The following LPGAT1 variants were observed in gnomAD, a reference collection of about 807,000 sequenced individuals.
LPGAT1 encodes acyl-CoA:lysophosphatidylglycerol acyltransferase 1.
Under a neutral mutation model 47.5 loss-of-function variants are expected in LPGAT1, and 11 were observed. That is an observed-to-expected ratio of 0.23 (90% CI 0.15 to 0.38). The LOEUF is 0.38. Ranked by LOEUF, LPGAT1 falls within the 10% of genes least tolerant of loss-of-function variation. LPGAT1 has a pLI of 1.00. For synonymous variants in LPGAT1, 138 were observed against 144.2 expected, an observed-to-expected ratio of 0.96 and a Z score of 0.31; for missense variants, 293 against 439.0, an observed-to-expected ratio of 0.67 and a Z score of 2.97.
chr1:211,778,160 G>A (rs1658486087), intron 6 of LPGAT1, among the ~76,000 whole-genome samples: 1 of 152,126 alleles, frequency 6.6e-6, no homozygotes. Context: ...GGCGAACACA[G>A]TGAAACCCCG....
chr1:211,829,352 A>G, intron 1 of LPGAT1, 29 bp from the exon 2 acceptor site: 3 of 1,606,992 alleles, frequency 1.9e-6, no homozygotes, highest in Non-Finnish European at 2.6e-6. Context: ...TCACTTAAAA[A>G]GGAAAATTCA....
intron 2 of LPGAT1, among the ~76,000 whole-genome samples, chr1:211,819,586 CT>C (rs1558284182): frequency 6.6e-6 from 1 of 152,158 alleles, no homozygotes; most frequent in African/African-American, 2.4e-5. Context: ...GGCATACAAT[CT>C]ATGCTGGGGT....
chr1:211,783,642 T>C, intron 4 of LPGAT1, 140 bp from the exon 5 acceptor site: 1 of 633,074 alleles, frequency 1.6e-6, no homozygotes, highest in Admixed American at 3.4e-5. Context: ...CCCAACTTAC[T>C]GCCCTTTTTG....
intron 6 of LPGAT1, among the ~76,000 whole-genome samples, chr1:211,768,001 T>C (rs2102513113): frequency 6.6e-6 from 1 of 152,344 alleles, no homozygotes. Context: ...GTCCCCAATA[T>C]GTTGAATAAC....
chr1:211,812,300 T>C (rs905572690), intron 2 of LPGAT1, among the ~76,000 whole-genome samples: 4 of 152,148 alleles, frequency 2.6e-5, no homozygotes, highest in African/African-American at 7.2e-5. Flanking sequence ...ACCAGGAAAC[T>C]ATACATGGAA....
At chr1:211,778,198 C>G (rs11801311) in intron 6 of LPGAT1, among the ~76,000 whole-genome samples, 5 of 151,920 alleles carry the variant, frequency 3.3e-5, no homozygotes, top group Admixed American at 1.3e-4. Flanking sequence ...AAAAATTAGC[C>G]GGGCATGGTG....
chr1:211,762,121 G>C (rs1657723898), intron 6 of LPGAT1, among the ~76,000 whole-genome samples: 1 of 152,022 alleles, frequency 6.6e-6, no homozygotes, highest in African/African-American at 2.4e-5. Flanking sequence ...ATCAACTTAA[G>C]GATAACTTAG....
chr1:211,799,566 G>A (rs1289152283), intron 2 of LPGAT1, among the ~76,000 whole-genome samples: 2 of 152,160 alleles, frequency 1.3e-5, no homozygotes, highest in Non-Finnish European at 2.9e-5. Flanking sequence ...ACAGGAACTT[G>A]GATAAATGCC....
chr1:211,759,898 A>T (rs1320368696), intron 6 of LPGAT1, among the ~76,000 whole-genome samples: 1 of 152,252 alleles, frequency 6.6e-6, no homozygotes, highest in African/African-American at 2.4e-5. Context: ...ATAAATTTCC[A>T]GAAGTGAAAT....
At position 211,830,668 on chromosome 1, in the gene LPGAT1, GGGCCCTGCCCCGCTCCGGCTGTGGCGC is replaced by G. The variant is rs562759380; in HGVS notation, c.-150_-124del. 2,098 of 1,198,930 alleles carry G rather than the reference GGGCCCTGCCCCGCTCCGGCTGTGGCGC, an allele frequency of 1.7e-3. 96 individuals are homozygous for G. The Admixed American group carries it at 0.081, about 46-fold the overall frequency. 74.3% of individuals were successfully genotyped at this position (1,198,930 alleles called of 1,614,324 possible). ...GGGCCGGCGGAAGAAGGCGGTGGCG[GGGCCCTGCCCCGCTCCGGCTGTGGCGC>G]GGCCCGCGCCCGTTCCCCGGCGGCG... is the stretch of plus-strand genomic sequence containing the variant. On this transcript the variant is annotated 5_prime_UTR_variant, in exon 1 of 8. Transcript: ENST00000366997. This position sits in a 1 kb window ranked among gnomAD's most constrained non-coding sequence, Gnocchi z 5.9.
Position 211,747,736 on chromosome 1 carries a change from C to T in LPGAT1, c.*2163G>A, listed in dbSNP as rs558811499. ...CAGTAATTTAGTGGTGCTTGCTGGG[C>T]CTCAAACAGAAGCATCATTAAGCTT... On this transcript the variant is annotated 3_prime_UTR_variant, in exon 8 of 8. Transcript: ENST00000366997. 1 of 152,198 alleles carries T rather than the reference C, an allele frequency of 6.6e-6. No individual in the cohort carries two copies. Among genetic ancestry groups the T allele is most frequent in the Non-Finnish European group, 1.5e-5 (1 of 68,024 alleles). 9.4% of individuals were successfully genotyped at this position (152,198 alleles called of 1,614,324 possible).
rs538790083 is a variant in LPGAT1 at position 211,804,404 on chromosome 1, C to T, written c.239-11214G>A. Among the ~76,000 whole-genome samples the T allele has an allele frequency of 3.9e-5, 6 of 152,076 alleles. No individual in the cohort carries two copies. In the South Asian group the frequency reaches 1.2e-3, roughly 32 times the overall value. Reference sequence around the variant, plus strand: ...TAGGTTTCTAAAAAGATAAGGCTTTCTGAATATTAAAATAACATACATTCA... The same window carrying T: ...TAGGTTTCTAAAAAGATAAGGCTTTTTGAATATTAAAATAACATACATTCA... On this transcript the variant is annotated intron_variant, in intron 2 of 7. Transcript: ENST00000366997.
chr1:211,779,184 C>T, intron 5 of LPGAT1, 140 bp from the exon 6 acceptor site: 1 of 558,456 alleles, frequency 1.8e-6, no homozygotes, highest in Non-Finnish European at 3.0e-6. Context: ...AACTTTGGTG[C>T]TCCTGTTCTA....
At chr1:211,785,514 CA>C (rs1169189530) in intron 4 of LPGAT1, among the ~76,000 whole-genome samples, 1 of 151,354 alleles carries the variant, frequency 6.6e-6, no homozygotes, top group African/African-American at 2.4e-5. Flanking sequence ...TTTATGTATG[CA>C]AAACTTCACA....
Position 211,830,518 on chromosome 1 carries a change from C to T in LPGAT1, c.-28+55G>A. The T allele has an allele frequency of 8.3e-7, 1 of 1,201,598 alleles. No individual in the cohort carries two copies. Among genetic ancestry groups the T allele is most frequent in the African/African-American group, 1.6e-5 (1 of 63,144 alleles). 74.4% of individuals were successfully genotyped at this position (1,201,598 alleles called of 1,614,324 possible). A position where few individuals can be genotyped will look rare whatever the true frequency, so the allele number is the denominator to read the frequency against. ...CCCCTTCCCCGCCCCCAGCGCCTCC[C>T]CTGGCCCGGCTCCGCTGCCGCTCTG... On this transcript the variant is annotated intron_variant, in intron 1 of 7. Transcript: ENST00000366997. The surrounding 1 kb of genome is among the most constrained non-coding windows in gnomAD (Gnocchi z 5.9).
intron 2 of LPGAT1, among the ~76,000 whole-genome samples, chr1:211,802,079 C>T (rs1303496604): frequency 8.2e-6 from 1 of 122,194 alleles, no homozygotes; most frequent in Non-Finnish European, 1.7e-5. Context: ...CAGAGTGAGA[C>T]TCTGTCTCAA....
At position 211,749,890 on chromosome 1, in the gene LPGAT1, C is replaced by A. The variant is rs767185357; in HGVS notation, c.*9G>T. 19 of 1,613,328 alleles carry A rather than the reference C, an allele frequency of 1.2e-5. No individual in the cohort carries two copies. The highest frequency in any genetic ancestry group is 1.6e-5 in the Non-Finnish European group (19 of 1,179,564). On this transcript the variant is annotated 3_prime_UTR_variant, in exon 8 of 8. Coordinates refer to ENST00000366997, the MANE Select transcript of LPGAT1 (RefSeq NM_014873.3). ...TCCTACGGTGACCTTGACAAGTCCACGTCAATTCCTAAAACAGGCAATGGT... is the reference window on the plus strand; with the variant it reads ...TCCTACGGTGACCTTGACAAGTCCAAGTCAATTCCTAAAACAGGCAATGGT...
chr1:211,811,609 T>C (rs61828491), intron 2 of LPGAT1, among the ~76,000 whole-genome samples: 49,543 of 151,928 alleles, frequency 0.33, 9,242 homozygotes, highest in Non-Finnish European at 0.43. Context: ...ATACAAAAAT[T>C]AGCCAGGCAT....
rs1656941203 is a variant in LPGAT1 at position 211,746,338 on chromosome 1, G to T, written c.*3561C>A. ...AACAATGCCAATACTGCCAATTTTT[G>T]ATTATTCAGGGATGCTTTTCTAACC... On this transcript the variant is annotated 3_prime_UTR_variant, in exon 8 of 8. Transcript: ENST00000366997. 1 of 152,574 alleles carries T rather than the reference G, an allele frequency of 6.6e-6. No homozygotes were observed. Among genetic ancestry groups the T allele is most frequent in the African/African-American group, 2.4e-5 (1 of 41,550 alleles). 9.5% of individuals were successfully genotyped at this position (152,574 alleles called of 1,614,324 possible).
Sources: allele counts gnomAD v4.1 joint callset (sites outside exome capture counted in the v4.1 genomes callset), GRCh38; gene constraint gnomAD v4.1.1; non-coding constraint Gnocchi (gnomAD v3.1); transcripts MANE v1.5; gene names NCBI Gene and HGNC (gene_info 2026-07-23, HGNC 2026-07-21).